Variants in AGPAT5 observed in about 807,000 individuals in gnomAD.
AGPAT5 encodes 1-acyl-sn-glycerol-3-phosphate acyltransferase epsilon.
In AGPAT5, 46 loss-of-function variants were observed where a neutral mutation model predicts 45.6. The ratio of observed to expected loss-of-function variants is 1.01; its 90% CI spans 0.80 to 1.29. AGPAT5 has a LOEUF of 1.29. Ranked by LOEUF, AGPAT5 falls within the 50% of genes most tolerant of loss-of-function variation. The probability of loss-of-function intolerance (pLI) is 0.00; values close to 1 mark genes in which losing one functional copy is unlikely to be tolerated. For synonymous variants in AGPAT5, 272 were observed against 167.0 expected (o/e 1.63, Z -4.85); for missense variants, 673 against 450.7 (o/e 1.49, Z -4.47).
chr8:6,715,778 G>A (rs1325130079), intron 1 of AGPAT5, among the ~76,000 whole-genome samples: 1 of 152,204 alleles, frequency 6.6e-6, no homozygotes, highest in Non-Finnish European at 1.5e-5. Flanking sequence ...GCCATACAGA[G>A]GTAAAGTAAC....
rs1323870848 is a variant in AGPAT5 at position 6,759,896 on chromosome 8, C to T, written c.*2508C>T. 6.6e-6 allele frequency among the ~76,000 whole-genome samples: 1 copy of T among 152,142 alleles called. No homozygotes were observed. The highest frequency in any genetic ancestry group is 2.4e-5 in the African/African-American group (1 of 41,432). On this transcript the variant is annotated 3_prime_UTR_variant, in exon 8 of 8. Transcript: ENST00000285518. ...GCATGGCCGATGTTAATTTGCTTGG[C>T]AATTCTGTAATCATTAAGTGATCTC...
intron 5 of AGPAT5, among the ~76,000 whole-genome samples, chr8:6,743,701 G>C (rs970703866): frequency 6.6e-6 from 1 of 151,042 alleles, no homozygotes; most frequent in African/African-American, 2.4e-5. Flanking sequence ...CTTTCTAATG[G>C]TTATAAGGGA....
At chr8:6,716,006 T>C (rs75190021) in intron 1 of AGPAT5, among the ~76,000 whole-genome samples, 2,233 of 152,270 alleles carry the variant, frequency 0.015, 62 homozygotes, top group African/African-American at 0.051. Context: ...CTAGTCTAGC[T>C]TTTCCTTCTG....
At chr8:6,747,609 A>T in intron 5 of AGPAT5, 61 bp from the exon 6 acceptor site, 2 of 1,435,996 alleles carry the variant, frequency 1.4e-6, no homozygotes, top group Non-Finnish European at 1.9e-6. Flanking sequence ...TTTAGATGTT[A>T]AACAGTATAT....
At chr8:6,745,781 T>A (rs1162599422) in intron 5 of AGPAT5, 11 of 152,136 alleles carry the variant, frequency 7.2e-5, no homozygotes. Context: ...CTGCCCTTTA[T>A]TATTCTCAGC....
In AGPAT5 at chr8:6,757,588, G is replaced by A. The variant is rs558761838; in HGVS notation, c.*200G>A. The A allele has an allele frequency of 4.6e-5, 25 of 543,610 alleles. No homozygotes were observed. The highest frequency in any genetic ancestry group is 7.5e-5 in the Non-Finnish European group (23 of 306,426). The allele number at this position is 543,610 out of a possible 1,614,324, so 33.7% of individuals were successfully genotyped here. A position where few individuals can be genotyped will look rare whatever the true frequency, so the allele number is the denominator to read the frequency against. On this transcript the variant is annotated 3_prime_UTR_variant, in exon 8 of 8. Coordinates refer to ENST00000285518, the MANE Select transcript of AGPAT5 (RefSeq NM_018361.5). ...TACCTGGTTGTACAACTTTAGCATCGGGGCTGCTGGAAGGGTAAAAGCTAA... is the reference window on the plus strand; with the variant it reads ...TACCTGGTTGTACAACTTTAGCATCAGGGCTGCTGGAAGGGTAAAAGCTAA...
In AGPAT5 at chr8:6,734,413, C is replaced by T. The variant is rs148323128; in HGVS notation, c.495+1763C>T. ...CAGTTTAAGGCACTCTTCATCTCTG[C>T]TACTGCGTGTTTCATTCCTCACATT... On this transcript the variant is annotated intron_variant, in intron 4 of 7. Transcript: ENST00000285518. Among the ~76,000 whole-genome samples, 80 of 152,238 alleles carry T rather than the reference C, an allele frequency of 5.3e-4. No homozygotes were observed. The East Asian group carries it at 0.014, about 27-fold the overall frequency.
In AGPAT5 at chr8:6,729,636, T is replaced by C. The variant is rs115736679; in HGVS notation, c.290-1075T>C. On this transcript the variant is annotated intron_variant, in intron 2 of 7. Transcript: ENST00000285518. ...CCTGAATTTCACTTCATTTCCTCTT[T>C]AAACCATGTCCTCTGTTTCCCATCT... 2.6e-3 allele frequency among the ~76,000 whole-genome samples: 400 copies of C among 152,318 alleles called. 3 individuals carry two copies. The highest frequency in any genetic ancestry group is 9.4e-3 in the African/African-American group (391 of 41,572).
intron 5 of AGPAT5, among the ~76,000 whole-genome samples, chr8:6,747,400 A>T (rs1801510541): frequency 6.6e-6 from 1 of 152,238 alleles, no homozygotes; most frequent in Non-Finnish European, 1.5e-5. Context: ...GGTCTACTAG[A>T]TTGAAGCGTT....
chr8:6,747,703 G>A lies in AGPAT5; in HGVS notation c.620G>A (p.Arg207Gln), dbSNP rs747611873. 9 of 1,614,018 alleles carry A rather than the reference G, an allele frequency of 5.6e-6. No individual in the cohort carries two copies. Among genetic ancestry groups the A allele is most frequent in the African/African-American group, 2.7e-5 (2 of 74,914 alleles). ...GTATTAAAACATGTGCTAACACCAC[G>A]AATAAAGGCAACTCACGTTGCTTTT... is the stretch of plus-strand genomic sequence containing the variant. Reference protein sequence around the residue: ...LAVLKHVLTPRIKATHVAFDC... With the variant: ...LAVLKHVLTPQIKATHVAFDC... The change falls in exon 6 of 8, where the codon CGA becomes CAA. Residue 207 changes from arginine to glutamine, a missense_variant. Transcript: ENST00000285518.
chr8:6,733,170 A>G (rs1159332275), intron 4 of AGPAT5, among the ~76,000 whole-genome samples: 1 of 152,256 alleles, frequency 6.6e-6, no homozygotes, highest in Non-Finnish European at 1.5e-5. Flanking sequence ...TGCTTTGTAT[A>G]GAATGCTGAT....
chr8:6,737,455 A>C (rs562741315), intron 4 of AGPAT5, among the ~76,000 whole-genome samples: 1 of 152,246 alleles, frequency 6.6e-6, no homozygotes, highest in East Asian at 1.9e-4. Flanking sequence ...TTTTGTTTCA[A>C]AAAATATATT....
chr8:6,709,990 T>C (rs1338312265), intron 1 of AGPAT5, among the ~76,000 whole-genome samples: 2 of 152,232 alleles, frequency 1.3e-5, no homozygotes, highest in African/African-American at 4.8e-5. Context: ...TTCAGGCTAA[T>C]TTTTTCCCTT....
chr8:6,755,329 CT>C (rs1231749494), intron 7 of AGPAT5, among the ~76,000 whole-genome samples, 155 bp downstream of exon 7: 1 of 152,172 alleles, frequency 6.6e-6, no homozygotes, highest in East Asian at 1.9e-4. Flanking sequence ...GTGTTTTAAA[CT>C]TTACTTGTAC....
intron 1 of AGPAT5, among the ~76,000 whole-genome samples, chr8:6,722,328 T>G (rs1425783): frequency 0.061 from 9,313 of 152,230 alleles, 359 homozygotes; most frequent in African/African-American, 0.11. Context: ...TATGCCAAAG[T>G]AGCATATTTG....
chr8:6,750,883 A>T (rs1382590627), intron 6 of AGPAT5, among the ~76,000 whole-genome samples: 5 of 152,222 alleles, frequency 3.3e-5, no homozygotes, highest in African/African-American at 1.2e-4. Context: ...TGTCTCTCAG[A>T]TGTACAAATG....
At chr8:6,737,186 C>T (rs1388689801) in intron 4 of AGPAT5, among the ~76,000 whole-genome samples, 2 of 152,172 alleles carry the variant, frequency 1.3e-5, no homozygotes, top group Non-Finnish European at 2.9e-5. Flanking sequence ...CCGTGCTGAG[C>T]AGCTTTCACT....
intron 1 of AGPAT5, among the ~76,000 whole-genome samples, chr8:6,715,449 T>G (rs1473161486): frequency 2.6e-5 from 4 of 152,122 alleles, no homozygotes; most frequent in African/African-American, 9.7e-5. Context: ...AGAGGGTGGG[T>G]TAGTAACACA....
chr8:6,741,929 A>G (rs1429948518), intron 5 of AGPAT5, among the ~76,000 whole-genome samples, 178 bp downstream of exon 5: 1 of 152,196 alleles, frequency 6.6e-6, no homozygotes, highest in African/African-American at 2.4e-5. Flanking sequence ...ATTCACTTTC[A>G]TGCTATTATT....
Sources: gnomAD v4.1 joint callset for allele counts (sites outside exome capture counted in the v4.1 genomes callset) on GRCh38, gnomAD v4.1.1 for gene constraint, MANE v1.5 for transcripts, NCBI Gene and HGNC (gene_info 2026-07-23, HGNC 2026-07-21) for gene names.